The following OPHN1 variants were observed in gnomAD, a reference collection of about 807,000 sequenced individuals.
OPHN1 encodes the protein oligophrenin-1.
In OPHN1, 11 loss-of-function variants were observed where a neutral mutation model predicts 60.7. The observed-to-expected ratio is 0.18, with a 90% CI of 0.11 to 0.30. OPHN1 has a LOEUF of 0.30. OPHN1 is among the 10% of genes least tolerant of loss of function. The pLI, the probability that OPHN1 is intolerant of heterozygous loss-of-function variation, is 1.00. For missense variants in OPHN1, 449 were observed against 611.0 expected (o/e 0.73, Z 2.80); for synonymous variants, 226 against 222.6 (o/e 1.02, Z -0.14).
At chrX:68,217,468 T>C (rs1292871425) in intron 6 of OPHN1, among the ~76,000 whole-genome samples, 4 of 111,957 alleles carry the variant, frequency 3.6e-5, no homozygotes, top group African/African-American at 1.3e-4. Flanking sequence ...GCTTCATCTC[T>C]GGGGGCAGGG....
intron 2 of OPHN1, among the ~76,000 whole-genome samples, chrX:68,336,627 C>T (rs2078323725): frequency 9.2e-6 from 1 of 109,165 alleles, no homozygotes; most frequent in Non-Finnish European, 1.9e-5. Context: ...ATGTAAAAGG[C>T]AATTATATTA....
chrX:68,168,441 T>C (rs951208178), intron 15 of OPHN1, among the ~76,000 whole-genome samples: 1 of 112,405 alleles, frequency 8.9e-6, no homozygotes, highest in African/African-American at 3.2e-5. Context: ...AATAAAGATG[T>C]TCTTTGAAAC....
intron 6 of OPHN1, among the ~76,000 whole-genome samples, chrX:68,220,068 A>G: frequency 9.6e-6 from 1 of 104,422 alleles, no homozygotes; most frequent in Non-Finnish European, 2.0e-5. Flanking sequence ...AGAAGAATCA[A>G]ATAGACGCAA....
chrX:68,053,256 C>A (rs1309437039), intron 22 of OPHN1, among the ~76,000 whole-genome samples: 1 of 112,193 alleles, frequency 8.9e-6, no homozygotes, highest in Non-Finnish European at 1.9e-5. Flanking sequence ...AAATAAAAGC[C>A]TCAAGCATAA....
At chrX:68,209,992 C>CTTTTTTTTTTTTTTTTT in intron 9 of OPHN1, 161 bp downstream of exon 9, 2 of 447,206 alleles carry the variant, frequency 4.5e-6, no homozygotes, top group Non-Finnish European at 7.7e-6. Flanking sequence ...TCAGTTTCTC[C>CTTTTTTTTTTTTTTTTT]TTTTTTTTTT....
At position 68,125,930 on chromosome X, in the gene OPHN1, AATATATATAT is replaced by A. The variant is rs59058075; in HGVS notation, c.1277-6608_1277-6599del. Among the ~76,000 whole-genome samples, 204 of 22,265 alleles carry A rather than the reference AATATATATAT, an allele frequency of 9.2e-3. 2 individuals carry two copies. Among genetic ancestry groups the A allele is most frequent in the African/African-American group, 0.02 (189 of 9,331 alleles). The allele number at this position is 22,265 out of a possible 115,157, so 19.3% of individuals were successfully genotyped here. ...AAGCTATTGGCCATAACCACTGATCAATATATATATATATATATATATATATACATACACA... is the reference window on the plus strand; with the variant it reads ...AAGCTATTGGCCATAACCACTGATCAATATATATATATATATACATACACA... On this transcript the variant is annotated intron_variant, in intron 15 of 24. Transcript: ENST00000355520.
rs189151873 is a variant in OPHN1 at position 68,118,104 on chromosome X, G to A, written c.1361+1144C>T. Among the ~76,000 whole-genome samples the A allele has an allele frequency of 5.7e-3, 641 of 111,865 alleles. 5 individuals carry two copies. The highest frequency in any genetic ancestry group is 0.02 in the African/African-American group (617 of 30,819). ...AAGAAGGCCAAAGCTCCTGGGAGTA[G>A]GGGGCAGGAGAAGAAGATGCCCCAG... On this transcript the variant is annotated intron_variant, in intron 16 of 24. Coordinates refer to ENST00000355520, the MANE Select transcript of OPHN1 (RefSeq NM_002547.3).
chrX:68,107,974 A>T (rs2077088730), intron 18 of OPHN1, among the ~76,000 whole-genome samples: 1 of 112,239 alleles, frequency 8.9e-6, no homozygotes. Context: ...GATCACTTAG[A>T]TTGCAAACTA....
At chrX:68,421,466 T>G in intron 2 of OPHN1, among the ~76,000 whole-genome samples, 1 of 111,027 alleles carries the variant, frequency 9.0e-6, no homozygotes, top group East Asian at 2.9e-4. Flanking sequence ...TTGTTTTTTG[T>G]TTTTTTTCTG....
At chrX:68,384,432 T>C (rs1459187390) in intron 2 of OPHN1, among the ~76,000 whole-genome samples, 1 of 111,967 alleles carries the variant, frequency 8.9e-6, no homozygotes, top group Non-Finnish European at 1.9e-5. Context: ...TGAAATATTG[T>C]CTTTTGGCCG....
intron 2 of OPHN1, among the ~76,000 whole-genome samples, chrX:68,361,680 C>A (rs939615871): frequency 9.0e-6 from 1 of 110,877 alleles, no homozygotes; most frequent in Non-Finnish European, 1.9e-5. Flanking sequence ...GATACTCGAG[C>A]TGATTACAAA....
At chrX:68,115,192 T>C (rs917992084) in intron 16 of OPHN1, among the ~76,000 whole-genome samples, 1 of 112,715 alleles carries the variant, frequency 8.9e-6, no homozygotes, top group Non-Finnish European at 1.9e-5. Context: ...TACAAACCCA[T>C]ATCCCCTGTC....
intron 18 of OPHN1, among the ~76,000 whole-genome samples, chrX:68,104,411 A>T (rs777260115): frequency 2.8e-4 from 31 of 111,791 alleles, no homozygotes; most frequent in Admixed American, 1.9e-4. Flanking sequence ...CTGACATCAA[A>T]CTATACCACA....
chrX:68,316,439 T>A (rs1425718415), intron 2 of OPHN1, among the ~76,000 whole-genome samples: 1 of 112,007 alleles, frequency 8.9e-6, no homozygotes, highest in Non-Finnish European at 1.9e-5. Flanking sequence ...CCATAAGAAA[T>A]TACCATAAAC....
At chrX:68,432,781 A>C in intron 2 of OPHN1, 86 bp downstream of exon 2, 1 of 1,056,519 alleles carries the variant, frequency 9.5e-7, no homozygotes. Flanking sequence ...GTCACCCTGC[A>C]ATCTCCCTTC....
Position 68,201,666 on chromosome X carries a change from C to T in OPHN1, c.978G>A (p.Thr326=), listed in dbSNP as rs2077535775. 3.3e-6 allele frequency: 4 copies of T among 1,210,347 alleles called. No homozygotes were observed. The highest frequency in any genetic ancestry group is 3.5e-5 in the African/African-American group (2 of 57,776). Residue 326 remains threonine, a synonymous_variant, in exon 11 of 25, where the codon ACG becomes ACA. Transcript: ENST00000355520. ...LTLKYCVRRK[T]ESIDKRFCFD... ...AACAGAACCTCTTGTCGATAGACTCCGTCTTCCTTCTCACACAGTACTTCA... is the reference window on the plus strand; with the variant it reads ...AACAGAACCTCTTGTCGATAGACTCTGTCTTCCTTCTCACACAGTACTTCA...
intron 2 of OPHN1, among the ~76,000 whole-genome samples, chrX:68,306,272 C>CACTT (rs1328159649): frequency 4.5e-5 from 5 of 112,149 alleles, no homozygotes; most frequent in Non-Finnish European, 7.5e-5. Context: ...CTCTTGCTTC[C>CACTT]ACTTAAACTA....
intron 3 of OPHN1, among the ~76,000 whole-genome samples, chrX:68,292,012 C>G (rs200135168): frequency 8.9e-6 from 1 of 111,752 alleles, no homozygotes; most frequent in African/African-American, 3.3e-5. Context: ...GTACATATTT[C>G]AGAAATTGAA....
chrX:68,406,107 C>A (rs2078741848), intron 2 of OPHN1, among the ~76,000 whole-genome samples: 1 of 106,588 alleles, frequency 9.4e-6, no homozygotes, highest in African/African-American at 3.5e-5. Context: ...GAGATCACGC[C>A]ACTGAACTCC....
Sources: gnomAD v4.1 joint callset for allele counts (sites outside exome capture counted in the v4.1 genomes callset) on GRCh38, gnomAD v4.1.1 for gene constraint, MANE v1.5 for transcripts, NCBI Gene and HGNC (gene_info 2026-07-23, HGNC 2026-07-21) for gene names.